Variants in MED9 observed in about 807,000 individuals in gnomAD.
MED9 encodes mediator of RNA polymerase II transcription subunit 9.
Under a neutral mutation model 13.2 loss-of-function variants are expected in MED9, and 8 were observed. The ratio of observed to expected loss-of-function variants is 0.61; its 90% confidence interval spans 0.36 to 1.10. The LOEUF (loss-of-function observed/expected upper bound fraction) is 1.10, where lower values mean the gene tolerates loss of function less well. MED9 is among the 50% of genes least tolerant of loss of function. MED9 has a pLI of 0.02. For synonymous variants in MED9, 87 were observed against 82.8 expected (o/e 1.05, Z -0.28); for missense variants, 180 against 193.4 (o/e 0.93, Z 0.41).
rs1463020782 is a variant in MED9, at chr17:17,491,653, G to A, written c.*158G>A. 6 of 691,942 alleles carry A rather than the reference G, an allele frequency of 8.7e-6. No individual in the cohort carries two copies. The highest frequency in any genetic ancestry group is 5.4e-5 in the African/African-American group (3 of 55,610). The allele number at this position is 691,942 out of a possible 1,614,324, so 42.9% of individuals were successfully genotyped here. On this transcript the variant is annotated 3_prime_UTR_variant, in exon 2 of 2. Transcript: ENST00000268711. ...GTGCTGCTGCGCGCGCTTCGCCTGT[G>A]CGGGAGCCAGCGCAGAGCTTGGCTG...
intron 1 of MED9, chr17:17,488,232 G>A (rs534572114): frequency 6.6e-6 from 1 of 152,448 alleles, no homozygotes; most frequent in East Asian, 1.9e-4. Context: ...CATGGAAGTT[G>A]TGAGGAAGAA....
rs563975058 is a variant in MED9 at position 17,491,373 on chromosome 17, A to G, written c.319A>G (p.Ile107Val). ...MRKLISTMPG[I>V]HLSPEQQQQQ... ...CAAGCTCATCAGCACCATGCCCGGC[A>G]TCCACCTGAGCCCCGAACAGCAGCA... Residue 107 changes from isoleucine to valine, a missense_variant, in exon 2 of 2, where the codon ATC becomes GTC. Physicochemically the swap from Ile to Val is conservative, Grantham distance 29. Coordinates refer to ENST00000268711, the MANE Select transcript of MED9 (RefSeq NM_018019.3). 2.9e-5 allele frequency: 47 copies of G among 1,614,054 alleles called. No individual in the cohort carries two copies. The South Asian group carries it at 4.4e-4, about 15-fold the overall frequency.
chr17:17,483,217 C>T lies in MED9; in HGVS notation c.224+5952C>T, dbSNP rs1314608347. On this transcript the variant is annotated intron_variant, in intron 1 of 1. Transcript: ENST00000268711. The surrounding 1 kb of genome is among the most constrained non-coding windows in gnomAD (Gnocchi z 4.2). ...ATCAGCATTTAATTAGTCTCTTTGC[C>T]TTTATGCTTATTTTATCTTGTGAAT... Among the ~76,000 whole-genome samples the T allele has an allele frequency of 2.0e-5, 3 of 152,280 alleles. No homozygotes were observed. Among genetic ancestry groups the T allele is most frequent in the East Asian group, 1.9e-4 (1 of 5,192 alleles).
Position 17,477,158 on chromosome 17 carries a change from T to A in MED9, c.117T>A (p.Pro39=), listed in dbSNP as rs1395264915. The part of the protein sequence containing the change: ...PLPPPQPPPV[P]APQPQQSPAP... ...CGCCTCCTCAGCCGCCGCCGGTCCCTGCGCCTCAACCGCAGCAGTCGCCGG... is the reference window on the plus strand; with the variant it reads ...CGCCTCCTCAGCCGCCGCCGGTCCCAGCGCCTCAACCGCAGCAGTCGCCGG... The change falls in exon 1 of 2, where the codon CCT becomes CCA. Residue 39 remains proline (P), a synonymous_variant. Transcript: ENST00000268711. The A allele has an allele frequency of 1.9e-6, 3 of 1,609,424 alleles. No homozygotes were observed. Among genetic ancestry groups the A allele is most frequent in the Non-Finnish European group, 2.5e-6 (3 of 1,178,126 alleles).
intron 1 of MED9, among the ~76,000 whole-genome samples, chr17:17,489,281 C>T (rs1905189995): frequency 6.6e-6 from 1 of 152,204 alleles, no homozygotes; most frequent in South Asian, 2.1e-4. Context: ...TGAAAGTTCA[C>T]CAAAGAACAC....
At chr17:17,489,551 C>T (rs1339684298) in intron 1 of MED9, among the ~76,000 whole-genome samples, 3 of 152,116 alleles carry the variant, frequency 2.0e-5, no homozygotes, top group Admixed American at 1.3e-4. Context: ...TATGTTAACA[C>T]GCATGCCATC....
chr17:17,487,044 C>T (rs1330704336), intron 1 of MED9: 1 of 152,198 alleles, frequency 6.6e-6, no homozygotes, highest in African/African-American at 2.4e-5. Context: ...AATCAGCACC[C>T]TGTGTTTAGC....
chr17:17,483,654 G>A lies in MED9; in HGVS notation c.224+6389G>A, dbSNP rs996013853. Among the ~76,000 whole-genome samples, 32 of 152,194 alleles carry A rather than the reference G, an allele frequency of 2.1e-4. 1 individual carries two copies. The highest frequency in any genetic ancestry group is 2.1e-3 in the Admixed American group (32 of 15,276). The stretch of plus-strand genomic sequence containing the variant: ...TGTTATTTTTAAAGAATGAGGAAAG[G>A]GAGGCTGGGCACGGTGGCTCACACC... On this transcript the variant is annotated intron_variant, in intron 1 of 1. Coordinates refer to ENST00000268711, the MANE Select transcript of MED9 (RefSeq NM_018019.3). The surrounding 1 kb of genome is among the most constrained non-coding windows in gnomAD (Gnocchi z 4.2).
intron 1 of MED9, among the ~76,000 whole-genome samples, chr17:17,482,250 G>T (rs1872942444): frequency 6.6e-6 from 1 of 152,148 alleles, no homozygotes; most frequent in African/African-American, 2.4e-5. Context: ...CTAGCAATGG[G>T]ATATGTGAAT....
intron 1 of MED9, among the ~76,000 whole-genome samples, chr17:17,481,956 C>T (rs1447170139): frequency 6.6e-6 from 1 of 152,182 alleles, no homozygotes; most frequent in Non-Finnish European, 1.5e-5. Context: ...GCCTATAAAT[C>T]TGCCACCCAG....
Position 17,491,501 on chromosome 17 carries a change from G to T in MED9, c.*6G>T. ...TCGAAATCCCCAAGGAGTAGAGTGA[G>T]GCTGACTTCCTTAGAAAGAGGGGGA... On this transcript the variant is annotated 3_prime_UTR_variant, in exon 2 of 2. Coordinates refer to ENST00000268711, the MANE Select transcript of MED9 (RefSeq NM_018019.3). 6.2e-7 allele frequency: 1 copy of T among 1,603,836 alleles called. No homozygotes were observed.
intron 1 of MED9, among the ~76,000 whole-genome samples, chr17:17,489,456 A>T (rs1340383898): frequency 1.3e-5 from 2 of 152,332 alleles, no homozygotes; most frequent in East Asian, 3.9e-4. Context: ...TTGTTTTACC[A>T]TGTCCTTTGA....
chr17:17,486,514 G>C (rs1905132129), intron 1 of MED9: 1 of 154,860 alleles, frequency 6.5e-6, no homozygotes, highest in African/African-American at 2.4e-5. Flanking sequence ...GCTGCGGAGG[G>C]TGTACTGGGT....
chr17:17,489,291 C>G (rs535641825), intron 1 of MED9, among the ~76,000 whole-genome samples: 3 of 152,310 alleles, frequency 2.0e-5, no homozygotes, highest in African/African-American at 4.8e-5. Context: ...CCAAAGAACA[C>G]GCAACCCTTG....
chr17:17,477,429 A>G (rs999572960), intron 1 of MED9, 164 bp downstream of exon 1: 1 of 719,204 alleles, frequency 1.4e-6, no homozygotes. Context: ...CCACAGAGAC[A>G]TTCCATGAGT....
chr17:17,491,652 TGCGGGAGCCAGC>T lies in MED9; in HGVS notation c.*160_*171del, dbSNP rs1905232004. The T allele has an allele frequency of 1.4e-6, 1 of 711,628 alleles. No individual in the cohort carries two copies. The highest frequency in any genetic ancestry group is 2.7e-5 in the East Asian group (1 of 36,928). The allele number at this position is 711,628 out of a possible 1,614,324, so 44.1% of individuals were successfully genotyped here. The stretch of plus-strand genomic sequence containing the variant: ...TGTGCTGCTGCGCGCGCTTCGCCTG[TGCGGGAGCCAGC>T]GCAGAGCTTGGCTGCGCCGGGGGTT... On this transcript the variant is annotated 3_prime_UTR_variant, in exon 2 of 2. Transcript: ENST00000268711.
At chr17:17,484,730 C>T (rs1275998090) in intron 1 of MED9, among the ~76,000 whole-genome samples, 1 of 152,260 alleles carries the variant, frequency 6.6e-6, no homozygotes. Flanking sequence ...CTCTTCACTC[C>T]TCTGCCATGT....
intron 1 of MED9, chr17:17,485,401 C>T (rs922700902): frequency 4.5e-5 from 18 of 398,088 alleles, no homozygotes; most frequent in African/African-American, 3.5e-4. Flanking sequence ...TTTTAAGCAG[C>T]ATAGTGACCT....
At position 17,477,031 on chromosome 17, in the gene MED9, C is replaced by T. The variant is rs759858621; in HGVS notation, c.-11C>T. On this transcript the variant is annotated 5_prime_UTR_variant, in exon 1 of 2. Transcript: ENST00000268711. ...GGCGACCCGACCTCTGGCTAACCTA[C>T]CCCCGGAGCCATGGCCTCTGCTGGG... The T allele has an allele frequency of 1.5e-5, 24 of 1,604,440 alleles. No individual in the cohort carries two copies. In the African/African-American group the frequency reaches 2.3e-4, roughly 15 times the overall value.
Sources: gnomAD v4.1 joint callset for allele counts (sites outside exome capture counted in the v4.1 genomes callset) on GRCh38, gnomAD v4.1.1 for gene constraint, Gnocchi (gnomAD v3.1) non-coding constraint, MANE v1.5 for transcripts, NCBI Gene and HGNC (gene_info 2026-07-23, HGNC 2026-07-21) for gene names.